The following MYO1D variants were observed in gnomAD, a reference collection of about 807,000 sequenced individuals.
The protein encoded by MYO1D is myosin ID.
In MYO1D, 83 loss-of-function variants were observed where a neutral mutation model predicts 122.0. The observed-to-expected ratio is 0.68, with a 90% CI of 0.57 to 0.82. The LOEUF (loss-of-function observed/expected upper bound fraction) is 0.82. Ranked by LOEUF, MYO1D falls within the 40% of genes least tolerant of loss-of-function variation. MYO1D has a pLI of 0.00. For synonymous variants in MYO1D, 464 were observed against 446.9 expected (o/e 1.04, Z -0.48); for missense variants, 1,157 against 1,269.5 (o/e 0.91, Z 1.35).
chr17:32,716,275 T>C (rs2089444639), intron 15 of MYO1D, among the ~76,000 whole-genome samples: 1 of 152,242 alleles, frequency 6.6e-6, no homozygotes, highest in African/African-American at 2.4e-5. Context: ...CAACAAACCC[T>C]CTACCCCCAA....
At position 32,826,048 on chromosome 17, in the gene MYO1D, T is replaced by TAA. The variant is rs5819999; in HGVS notation, c.96-45266_96-45265dup. 2.7e-3 allele frequency among the ~76,000 whole-genome samples: 320 copies of TAA among 119,480 alleles called. 1 individual carries two copies. Among genetic ancestry groups the TAA allele is most frequent in the Middle Eastern group, 4.1e-3 (1 of 242 alleles). 78.4% of individuals were successfully genotyped at this position (119,480 alleles called of 152,430 possible). A position where few individuals can be genotyped will look rare whatever the true frequency, so the allele number is the denominator to read the frequency against. ...CGGGTGATAGAGTGAAACTCCATCT[T>TAA]AAAAAAAAAAAAAAAAAAAAAGTGT... On this transcript the variant is annotated intron_variant, in intron 1 of 21. Coordinates refer to ENST00000318217, the MANE Select transcript of MYO1D (RefSeq NM_015194.3).
At chr17:32,785,812 G>C (rs746738153) in intron 1 of MYO1D, among the ~76,000 whole-genome samples, 23 of 151,996 alleles carry the variant, frequency 1.5e-4, no homozygotes, top group Admixed American at 8.5e-4. Flanking sequence ...AAATATTCCA[G>C]TTCTCTAGGG....
intron 21 of MYO1D, among the ~76,000 whole-genome samples, chr17:32,601,280 A>T (rs1213873538): frequency 6.6e-6 from 1 of 152,166 alleles, no homozygotes; most frequent in African/African-American, 2.4e-5. Context: ...TAACTCTCCC[A>T]TTCACTTGAA....
At chr17:32,856,079 A>T (rs2151084570) in intron 1 of MYO1D, among the ~76,000 whole-genome samples, 1 of 152,090 alleles carries the variant, frequency 6.6e-6, no homozygotes, top group African/African-American at 2.4e-5. Context: ...TGCAGATGCT[A>T]TTCTTGGATG....
chr17:32,527,142 G>A (rs752650785), intron 21 of MYO1D, among the ~76,000 whole-genome samples: 4 of 152,218 alleles, frequency 2.6e-5, no homozygotes, highest in Non-Finnish European at 4.4e-5. Context: ...GACAGCACAT[G>A]CCTCTCGGAA....
chr17:32,653,340 G>A (rs923652282), intron 19 of MYO1D, among the ~76,000 whole-genome samples: 4 of 151,122 alleles, frequency 2.6e-5, no homozygotes, highest in South Asian at 2.1e-4. Flanking sequence ...GGCATGGTGA[G>A]TCAGTCCTGG....
At chr17:32,737,361 A>T (rs2032754) in intron 14 of MYO1D, among the ~76,000 whole-genome samples, 74,148 of 150,574 alleles carry the variant, frequency 0.49, 18,494 homozygotes, top group East Asian at 0.73. Flanking sequence ...CAATAATACA[A>T]CTTTTTTTTT....
intron 11 of MYO1D, among the ~76,000 whole-genome samples, chr17:32,750,753 T>G (rs1368901672): frequency 6.6e-6 from 1 of 152,166 alleles, no homozygotes; most frequent in African/African-American, 2.4e-5. Flanking sequence ...TACAGGAAAT[T>G]AGAGTCAGAC....
intron 15 of MYO1D, among the ~76,000 whole-genome samples, chr17:32,719,802 T>A (rs1310062823): frequency 6.6e-6 from 1 of 152,240 alleles, no homozygotes; most frequent in Non-Finnish European, 1.5e-5. Flanking sequence ...TTTAGTCTGA[T>A]TACAAAGTTT....
At chr17:32,499,963 T>C (rs772169182) in intron 21 of MYO1D, among the ~76,000 whole-genome samples, 6 of 152,056 alleles carry the variant, frequency 3.9e-5, no homozygotes, top group Non-Finnish European at 7.4e-5. Flanking sequence ...ACCCCATCTT[T>C]GAAAAATAAA....
chr17:32,696,091 T>C (rs1003239869), intron 16 of MYO1D, among the ~76,000 whole-genome samples: 1 of 152,224 alleles, frequency 6.6e-6, no homozygotes, highest in Non-Finnish European at 1.5e-5. Context: ...ATGGAATATG[T>C]GCTTGCATAT....
chr17:32,808,160 G>A (rs922188144), intron 1 of MYO1D, among the ~76,000 whole-genome samples: 1 of 152,054 alleles, frequency 6.6e-6, no homozygotes, highest in Non-Finnish European at 1.5e-5. Flanking sequence ...GACTGTTTGA[G>A]GTCAGGAGTT....
chr17:32,534,364 G>C (rs753053033), intron 21 of MYO1D, among the ~76,000 whole-genome samples: 2 of 152,038 alleles, frequency 1.3e-5, no homozygotes, highest in African/African-American at 4.8e-5. Flanking sequence ...ATAGAGATAA[G>C]GTCTTGCTAT....
At chr17:32,546,585 C>G (rs934958311) in intron 21 of MYO1D, among the ~76,000 whole-genome samples, 3 of 152,184 alleles carry the variant, frequency 2.0e-5, no homozygotes, top group Non-Finnish European at 4.4e-5. Context: ...AGCACCTTTC[C>G]TAGAGAAGCA....
intron 21 of MYO1D, among the ~76,000 whole-genome samples, chr17:32,578,435 A>G (rs961771384): frequency 2.6e-5 from 4 of 152,370 alleles, no homozygotes; most frequent in Admixed American, 6.5e-5. Context: ...TCTGGGAATC[A>G]GCACTAGCTG....
chr17:32,845,451 A>G (rs2151077365), intron 1 of MYO1D, among the ~76,000 whole-genome samples: 1 of 152,330 alleles, frequency 6.6e-6, no homozygotes, highest in Non-Finnish European at 1.5e-5. Context: ...ATGTCATTTT[A>G]TATTTTCAAC....
intron 1 of MYO1D, among the ~76,000 whole-genome samples, chr17:32,861,756 A>G (rs1488119667): frequency 1.3e-5 from 2 of 152,104 alleles, no homozygotes; most frequent in Non-Finnish European, 2.9e-5. Flanking sequence ...CACGGTTCAC[A>G]CCTGTAATTC....
At chr17:32,848,361 T>C (rs2090956381) in intron 1 of MYO1D, among the ~76,000 whole-genome samples, 1 of 152,346 alleles carries the variant, frequency 6.6e-6, no homozygotes, top group South Asian at 2.1e-4. Flanking sequence ...TGCAACTTAC[T>C]CTCAAATATT....
intron 16 of MYO1D, among the ~76,000 whole-genome samples, chr17:32,688,398 C>T (rs2089048448): frequency 6.6e-6 from 1 of 152,186 alleles, no homozygotes; most frequent in African/African-American, 2.4e-5. Flanking sequence ...TACAATAAAA[C>T]TAACAGCAGG....
Sources: allele counts gnomAD v4.1 joint callset (sites outside exome capture counted in the v4.1 genomes callset), GRCh38; gene constraint gnomAD v4.1.1; transcripts MANE v1.5; gene names NCBI Gene and HGNC (gene_info 2026-07-23, HGNC 2026-07-21).